C12orf42: variants seen among roughly 807,000 people sequenced by gnomAD.
The protein encoded by C12orf42 is chromosome 12 open reading frame 42, also known as uncharacterized protein C12orf42.
C12orf42 carries 25 observed loss-of-function variants against 21.6 expected under a neutral mutation model. The observed-to-expected ratio is 1.16, with a 90% CI of 0.84 to 1.62. The LOEUF (loss-of-function observed/expected upper bound fraction) is 1.62. Ranked by LOEUF, C12orf42 falls within the 40% of genes most tolerant of loss-of-function variation. The pLI, the probability that C12orf42 is intolerant of heterozygous loss-of-function variation, is 0.00. For synonymous variants in C12orf42, 174 were observed against 175.0 expected, an observed-to-expected ratio of 0.99 and a Z score of 0.05; for missense variants, 483 against 459.3, an observed-to-expected ratio of 1.05 and a Z score of -0.47.
At chr12:103,222,800 C>G in the C12orf42 span, among the ~76,000 whole-genome samples, 1 of 151,774 alleles carries the variant, frequency 6.6e-6, no homozygotes, top group Non-Finnish European at 1.5e-5. Flanking sequence ...TCTGTCCCCA[C>G]GCAGATGTCC....
At chr12:103,354,169 T>C (rs1268529245) in intron 4 of C12orf42, among the ~76,000 whole-genome samples, 2 of 152,112 alleles carry the variant, frequency 1.3e-5, no homozygotes, top group Non-Finnish European at 2.9e-5. Context: ...TTGTGAGACT[T>C]TTCAAAGAAG....
intron 2 of C12orf42, among the ~76,000 whole-genome samples, chr12:103,455,085 A>G (rs1952197812): frequency 6.6e-6 from 1 of 152,190 alleles, no homozygotes; most frequent in African/African-American, 2.4e-5. Flanking sequence ...AGCATACCTG[A>G]TAACATGTAA....
At chr12:103,132,340 G>T in the C12orf42 span, among the ~76,000 whole-genome samples, 4 of 69,204 alleles carry the variant, frequency 5.8e-5, no homozygotes, top group Non-Finnish European at 8.8e-5. Context: ...TCCTGAAATG[G>T]CTCCCTAACA....
At chr12:103,402,293 C>A (rs933208341) in intron 2 of C12orf42, among the ~76,000 whole-genome samples, 3 of 152,308 alleles carry the variant, frequency 2.0e-5, no homozygotes, top group East Asian at 3.9e-4. Context: ...TGGAAGAGAA[C>A]AATTTTACTT....
At chr12:103,084,026 CT>C in the C12orf42 span, among the ~76,000 whole-genome samples, 4 of 152,154 alleles carry the variant, frequency 2.6e-5, no homozygotes, top group African/African-American at 9.6e-5. Context: ...GTTTTCAATT[CT>C]TTTTTTGTCT....
chr12:103,521,079 C>A, the C12orf42 span, among the ~76,000 whole-genome samples: 1 of 152,216 alleles, frequency 6.6e-6, no homozygotes. Context: ...ATGGCATGCA[C>A]TGTGCTGCAT....
the C12orf42 span, among the ~76,000 whole-genome samples, chr12:103,209,266 C>T: frequency 1.5e-3 from 221 of 152,156 alleles, no homozygotes; most frequent in East Asian, 4.6e-3. Flanking sequence ...AGTTGTTTAC[C>T]TCACTCACAA....
chr12:103,539,397 C>T, the C12orf42 span, among the ~76,000 whole-genome samples: 1 of 151,818 alleles, frequency 6.6e-6, no homozygotes, highest in African/African-American at 2.4e-5. Flanking sequence ...ACCTATCAAC[C>T]ACTATCCAAT....
intron 4 of C12orf42, among the ~76,000 whole-genome samples, chr12:103,296,517 G>C (rs920584073): frequency 3.9e-5 from 6 of 152,144 alleles, no homozygotes; most frequent in Non-Finnish European, 5.9e-5. Context: ...ATCCTCTCCA[G>C]CACCTGTTGT....
At chr12:103,234,460 T>C (rs12317748), downstream of C12orf42, among the ~76,000 whole-genome samples, 30,240 of 151,972 alleles carry the variant, frequency 0.2, 3,155 homozygotes, top group East Asian at 0.36. Context: ...GTTATATTCA[T>C]TGAAAAAAAA....
chr12:103,297,029 T>C (rs1431745258), downstream of C12orf42, among the ~76,000 whole-genome samples: 2 of 152,230 alleles, frequency 1.3e-5, no homozygotes, highest in East Asian at 3.8e-4. Context: ...CTTGAATTAA[T>C]TTTTGTATAA....
At chr12:103,146,551 TAAAGAAAGAAAAGAAAGAAAGAAAGAAAG>T in the C12orf42 span, among the ~76,000 whole-genome samples, 10 of 39,360 alleles carry the variant, frequency 2.5e-4, no homozygotes, top group African/African-American at 9.5e-4. Flanking sequence ...GAAAGAGAAA[TAAAGAAAGAAAAGAAAGAAAGAAAGAAAG>T]AAAGAAAGAA....
At chr12:103,523,292 C>T in the C12orf42 span, among the ~76,000 whole-genome samples, 1 of 152,142 alleles carries the variant, frequency 6.6e-6, no homozygotes, top group Non-Finnish European at 1.5e-5. Flanking sequence ...TTTCTTTAGA[C>T]AGCCTATGTG....
intron 3 of C12orf42, among the ~76,000 whole-genome samples, chr12:103,385,530 T>C (rs988391223): frequency 6.6e-6 from 1 of 151,914 alleles, no homozygotes; most frequent in African/African-American, 2.4e-5. Context: ...TAGTAGCATA[T>C]GAAAGCTTCG....
chr12:103,226,937 T>C, the C12orf42 span, among the ~76,000 whole-genome samples: 1 of 152,166 alleles, frequency 6.6e-6, no homozygotes, highest in Non-Finnish European at 1.5e-5. Flanking sequence ...CATTTGCCTA[T>C]TTTACAACAA....
At chr12:103,194,492 AC>A in the C12orf42 span, among the ~76,000 whole-genome samples, 1 of 152,172 alleles carries the variant, frequency 6.6e-6, no homozygotes, top group Non-Finnish European at 1.5e-5. Context: ...AAATCAACAT[AC>A]AAAAATTAGT....
At chr12:103,424,769 A>T (rs1284119899) in intron 2 of C12orf42, among the ~76,000 whole-genome samples, 2 of 152,216 alleles carry the variant, frequency 1.3e-5, no homozygotes, top group African/African-American at 4.8e-5. Flanking sequence ...AGCTGGCTGC[A>T]GGAGTTTTTG....
intron 4 of C12orf42, among the ~76,000 whole-genome samples, chr12:103,321,495 C>T (rs1205228621): frequency 1.4e-5 from 2 of 145,744 alleles, no homozygotes; most frequent in Non-Finnish European, 3.0e-5. Flanking sequence ...TACCATTTGA[C>T]CCAGCCACCC....
chr12:103,256,157 C>CACATATATATACACATATATAT (rs1165809854), intron 10 of C12orf42, among the ~76,000 whole-genome samples: 22 of 125,500 alleles, frequency 1.8e-4, no homozygotes, highest in Admixed American at 5.4e-4. Context: ...TATATATACA[C>CACATATATATACACATATATAT]ACATATATAT....
Sources: gnomAD v4.1 joint callset for allele counts (sites outside exome capture counted in the v4.1 genomes callset) on GRCh38, gnomAD v4.1.1 for gene constraint, MANE v1.5 for transcripts, NCBI Gene and HGNC (gene_info 2026-07-23, HGNC 2026-07-21) for gene names.